The following AFF3 variants were observed in gnomAD, a reference collection of about 807,000 sequenced individuals.
The protein encoded by AFF3 is ALF transcription elongation factor 3.
AFF3 carries 32 observed loss-of-function variants against 129.7 expected under a neutral mutation model. That is an observed-to-expected ratio of 0.25 (90% CI 0.19 to 0.33). The LOEUF is 0.33. Among genes scored for constraint, AFF3 ranks in the 10% least tolerant of loss-of-function variants. AFF3 has a pLI of 1.00. For synonymous variants in AFF3, 644 were observed against 635.4 expected (o/e 1.01, Z -0.20); for missense variants, 1,373 against 1,592.0 (o/e 0.86, Z 2.34).
rs1029573818 is a variant in AFF3, at chr2:99,553,138, T to C, written c.3559+1173A>G. Among the ~76,000 whole-genome samples, 8 of 152,256 alleles carry C rather than the reference T, an allele frequency of 5.3e-5. 1 individual carries two copies. The highest frequency in any genetic ancestry group is 6.8e-3 in the Middle Eastern group (2 of 294). On this transcript the variant is annotated intron_variant, in intron 24 of 24. Coordinates refer to ENST00000672756, the MANE Select transcript of AFF3 (RefSeq NM_001386135.1). ...TTTCAGTAGAGACGGGGTTTCTCCA[T>C]GTTGGCCAGCCTGGTTTCAAACTCC...
chr2:99,800,069 G>T (rs920558127), intron 8 of AFF3, among the ~76,000 whole-genome samples: 6 of 152,120 alleles, frequency 3.9e-5, no homozygotes, highest in African/African-American at 1.4e-4. Flanking sequence ...ATTAAAAAAT[G>T]TAAAACAGAA....
At chr2:99,837,295 AG>A (rs1222638714) in intron 8 of AFF3, among the ~76,000 whole-genome samples, 181 bp downstream of exon 8, 4 of 152,130 alleles carry the variant, frequency 2.6e-5, no homozygotes, top group Non-Finnish European at 4.4e-5. Flanking sequence ...AGGTGCCCAG[AG>A]GGGGTGCAGC....
At chr2:99,941,747 C>T (rs931890898) in intron 7 of AFF3, among the ~76,000 whole-genome samples, 1 of 152,180 alleles carries the variant, frequency 6.6e-6, no homozygotes, top group Non-Finnish European at 1.5e-5. Context: ...GACACGATGG[C>T]TGGAGCCACA....
In AFF3 at chr2:99,709,561, T is replaced by A. The variant is rs372390946; in HGVS notation, c.1091+17516A>T. ...TTCTCTTGCAGTCAAATGGGTATTT[T>A]AAAAAAATTATAAATAGCAATATTT... is the stretch of plus-strand genomic sequence containing the variant. On this transcript the variant is annotated intron_variant, in intron 11 of 24. Coordinates refer to ENST00000672756, the MANE Select transcript of AFF3 (RefSeq NM_001386135.1). Among the ~76,000 whole-genome samples, 35 of 152,252 alleles carry A rather than the reference T, an allele frequency of 2.3e-4. 1 individual carries two copies. The highest frequency in any genetic ancestry group is 2.3e-3 in the South Asian group (11 of 4,820).
chr2:100,141,731 C>A (rs924970861), intron 1 of AFF3, among the ~76,000 whole-genome samples: 1 of 152,110 alleles, frequency 6.6e-6, no homozygotes, highest in Non-Finnish European at 1.5e-5. Context: ...GCTATTAGTT[C>A]TCTTTGGTTT....
Position 100,122,188 on chromosome 2 carries a change from C to T in AFF3, c.-145+7036G>A, listed in dbSNP as rs550055602. Among the ~76,000 whole-genome samples the T allele has an allele frequency of 1.1e-4, 17 of 152,344 alleles. No homozygotes were observed. In the Middle Eastern group the frequency reaches 0.014, roughly 122 times the overall value. On this transcript the variant is annotated intron_variant, in intron 2 of 24. Coordinates refer to ENST00000672756, the MANE Select transcript of AFF3 (RefSeq NM_001386135.1). ...AGTGTTACTGTCTAAAGTTGCCCTT[C>T]TCCATATTGACACAACTTACATCAT...
At chr2:99,626,215 G>A (rs749096714) in intron 13 of AFF3, among the ~76,000 whole-genome samples, 4 of 152,170 alleles carry the variant, frequency 2.6e-5, no homozygotes, top group Non-Finnish European at 5.9e-5. Context: ...CACAGTATCT[G>A]CAAACCTAGA....
chr2:100,129,286 A>G lies in AFF3; in HGVS notation c.-207T>C, dbSNP rs1290950096. 1 of 152,172 alleles carries G rather than the reference A, an allele frequency of 6.6e-6. No individual in the cohort carries two copies. Among genetic ancestry groups the G allele is most frequent in the Non-Finnish European group, 1.5e-5 (1 of 68,060 alleles). 9.4% of individuals were successfully genotyped at this position (152,172 alleles called of 1,614,324 possible). On this transcript the variant is annotated 5_prime_UTR_variant, in exon 2 of 25. The change abolishes the stop of an existing upstream ORF in the 5' untranslated region. Coordinates refer to ENST00000672756, the MANE Select transcript of AFF3 (RefSeq NM_001386135.1). Reference sequence around the variant, plus strand: ...TAAACAATGGCTGATCGTAAGGTCTAAATCATATGTGTGAAACTTTCTGCA... The same window carrying G: ...TAAACAATGGCTGATCGTAAGGTCTGAATCATATGTGTGAAACTTTCTGCA...
chr2:100,135,632 G>A (rs1573478438), intron 1 of AFF3, among the ~76,000 whole-genome samples: 1 of 152,348 alleles, frequency 6.6e-6, no homozygotes, highest in Middle Eastern at 3.4e-3. Context: ...CATGACCCAT[G>A]ACATCTTGAG....
At chr2:99,688,000 G>T (rs922594016) in intron 11 of AFF3, among the ~76,000 whole-genome samples, 1 of 152,036 alleles carries the variant, frequency 6.6e-6, no homozygotes, top group African/African-American at 2.4e-5. Context: ...CCGCCACCAC[G>T]CCCGGCTAAT....
intron 13 of AFF3, among the ~76,000 whole-genome samples, chr2:99,643,364 G>T (rs536123368): frequency 6.6e-6 from 1 of 152,186 alleles, no homozygotes; most frequent in Non-Finnish European, 1.5e-5. Flanking sequence ...AGCCCTAAAA[G>T]ACTTCTTTAT....
intron 8 of AFF3, among the ~76,000 whole-genome samples, chr2:99,829,621 A>C (rs1176843261): frequency 6.6e-6 from 1 of 152,246 alleles, no homozygotes; most frequent in Non-Finnish European, 1.5e-5. Flanking sequence ...ATCATTAAAA[A>C]GTCAGGCAAC....
intron 13 of AFF3, among the ~76,000 whole-genome samples, chr2:99,638,125 G>A (rs1198893455): frequency 6.6e-6 from 1 of 150,968 alleles, no homozygotes; most frequent in Non-Finnish European, 1.5e-5. Flanking sequence ...CTAGGCTGTA[G>A]TGCAGTGGCA....
chr2:99,758,447 G>A (rs1386661630), intron 8 of AFF3, among the ~76,000 whole-genome samples: 2 of 152,010 alleles, frequency 1.3e-5, no homozygotes, highest in Admixed American at 6.6e-5. Flanking sequence ...TTAGCCAGGC[G>A]TGATGGCGCG....
chr2:99,594,306 G>A lies in AFF3; in HGVS notation c.1372-17C>T, dbSNP rs759490607. 2 of 1,583,238 alleles carry A rather than the reference G, an allele frequency of 1.3e-6. No individual in the cohort carries two copies. Among genetic ancestry groups the A allele is most frequent in the African/African-American group, 1.3e-5 (1 of 74,306 alleles). ...CGGTTCAGCCTGAAAGCAGAAAACC[G>A]GTGACAAACAAAACATCTTTCATTA... On this transcript the variant is annotated splice_polypyrimidine_tract_variant and intron_variant, in intron 14 of 24. Coordinates refer to ENST00000672756, the MANE Select transcript of AFF3 (RefSeq NM_001386135.1).
chr2:99,709,245 G>A (rs1677683743), intron 11 of AFF3, among the ~76,000 whole-genome samples: 3 of 152,210 alleles, frequency 2.0e-5, no homozygotes, highest in African/African-American at 7.2e-5. Flanking sequence ...GAGTTCAGGA[G>A]TCAAACTGGG....
At chr2:99,969,199 C>T (rs139377864) in intron 7 of AFF3, among the ~76,000 whole-genome samples, 3 of 152,326 alleles carry the variant, frequency 2.0e-5, no homozygotes, top group African/African-American at 7.2e-5. Flanking sequence ...TTGTTAATGA[C>T]TCCCCATGGG....
chr2:99,685,388 A>G (rs1674956996), intron 11 of AFF3, among the ~76,000 whole-genome samples: 1 of 152,190 alleles, frequency 6.6e-6, no homozygotes, highest in Non-Finnish European at 1.5e-5. Flanking sequence ...TTCTACTGGG[A>G]GTTGTTCAAC....
At chr2:99,911,795 G>A (rs1576334599) in intron 7 of AFF3, among the ~76,000 whole-genome samples, 1 of 152,192 alleles carries the variant, frequency 6.6e-6, no homozygotes, top group Non-Finnish European at 1.5e-5. Flanking sequence ...TGTGCCAGGT[G>A]TTAGAGAACT....
Sources: allele counts gnomAD v4.1 joint callset (sites outside exome capture counted in the v4.1 genomes callset), GRCh38; gene constraint gnomAD v4.1.1; transcripts MANE v1.5; gene names NCBI Gene and HGNC (gene_info 2026-07-23, HGNC 2026-07-21).